STPG2: variants seen among roughly 807,000 people sequenced by gnomAD.
The protein encoded by STPG2 is sperm tail PG-rich repeat containing 2, also known as sperm-tail PG-rich repeat-containing protein 2.
In STPG2, 56 loss-of-function variants were observed where a neutral mutation model predicts 54.2. The ratio of observed to expected loss-of-function variants is 1.03; its 90% confidence interval spans 0.83 to 1.29. STPG2 has a LOEUF of 1.29. STPG2 is among the 50% of genes most tolerant of loss of function. The probability of loss-of-function intolerance (pLI) is 0.00; values close to 1 mark genes in which losing one functional copy is unlikely to be tolerated. For synonymous variants in STPG2, 200 were observed against 181.8 expected (o/e 1.10, Z -0.81); for missense variants, 596 against 544.9 (o/e 1.09, Z -0.93).
rs146051838 is a variant in STPG2 at position 98,002,601 on chromosome 4, T to C, written c.613-21283A>G. 4.2e-3 allele frequency among the ~76,000 whole-genome samples: 645 copies of C among 152,112 alleles called. 3 individuals are homozygous for C. Among genetic ancestry groups the C allele is most frequent in the South Asian group, 0.024 (117 of 4,822 alleles). On this transcript the variant is annotated intron_variant, in intron 5 of 10. Transcript: ENST00000295268. ...AATAAAAGTACCAGAATAAGAACTTTCTCTGACTCTGTGTGCTGGAATGTC... is the reference window on the plus strand; with the variant it reads ...AATAAAAGTACCAGAATAAGAACTTCCTCTGACTCTGTGTGCTGGAATGTC...
intron 5 of STPG2, among the ~76,000 whole-genome samples, chr4:98,098,757 C>T (rs925081429): frequency 1.3e-5 from 2 of 152,044 alleles, no homozygotes; most frequent in Non-Finnish European, 2.9e-5. Context: ...ATATAAGGAG[C>T]TCAAACAACC....
chr4:97,734,398 T>C (rs1431971082), intron 9 of STPG2, among the ~76,000 whole-genome samples: 1 of 152,186 alleles, frequency 6.6e-6, no homozygotes, highest in Non-Finnish European at 1.5e-5. Flanking sequence ...TTAGTAATTT[T>C]CCTGATTCTC....
chr4:97,901,284 C>A (rs1010405972), intron 8 of STPG2, among the ~76,000 whole-genome samples: 1 of 151,692 alleles, frequency 6.6e-6, no homozygotes, highest in South Asian at 2.1e-4. Context: ...AGGAACAAGA[C>A]AAAGATGCCC....
intron 8 of STPG2, among the ~76,000 whole-genome samples, chr4:97,922,617 A>T (rs1038913278): frequency 2.0e-5 from 3 of 152,264 alleles, no homozygotes; most frequent in Non-Finnish European, 4.4e-5. Flanking sequence ...ATGAAATTTT[A>T]AACTACTGTC....
chr4:98,008,299 G>C (rs1735632347), intron 5 of STPG2, among the ~76,000 whole-genome samples: 1 of 125,440 alleles, frequency 8.0e-6, no homozygotes, highest in Admixed American at 7.5e-5. Context: ...TCAGAATTCT[G>C]AAATTAAAAA....
chr4:97,799,990 T>C (rs1243548421), intron 9 of STPG2, among the ~76,000 whole-genome samples: 1 of 152,254 alleles, frequency 6.6e-6, no homozygotes, highest in Non-Finnish European at 1.5e-5. Flanking sequence ...CTGAAGCTTG[T>C]GAATTTGTCA....
At position 97,919,513 on chromosome 4, in the gene STPG2, T is replaced by C. The variant is rs558905318; in HGVS notation, c.1044+24384A>G. The stretch of plus-strand genomic sequence containing the variant: ...AGAGGGAACTTAACTATAGTTTTCA[T>C]AAACACAAAAAAAAGAAGAGAATGT... On this transcript the variant is annotated intron_variant, in intron 8 of 10. Transcript: ENST00000295268. Among the ~76,000 whole-genome samples, 4 of 151,792 alleles carry C rather than the reference T, an allele frequency of 2.6e-5. No individual in the cohort carries two copies. The South Asian group carries it at 8.3e-4, about 32-fold the overall frequency.
At chr4:97,832,859 G>C (rs986369288) in intron 9 of STPG2, among the ~76,000 whole-genome samples, 1 of 152,112 alleles carries the variant, frequency 6.6e-6, no homozygotes, top group Non-Finnish European at 1.5e-5. Context: ...GGAAATAAGA[G>C]AGGACACAAA....
chr4:98,122,780 A>G (rs1397144820), intron 3 of STPG2, among the ~76,000 whole-genome samples: 5 of 152,226 alleles, frequency 3.3e-5, no homozygotes, highest in African/African-American at 1.2e-4. Flanking sequence ...TTGTACCTCT[A>G]GTAGAATTTA....
intron 10 of STPG2, among the ~76,000 whole-genome samples, chr4:97,587,250 TTAAAG>T (rs1733023923): frequency 6.6e-6 from 1 of 151,604 alleles, no homozygotes; most frequent in African/African-American, 2.4e-5. Flanking sequence ...ATTTCAAATA[TTAAAG>T]TAATTATTAT....
chr4:98,009,506 A>G (rs889546549), intron 5 of STPG2, among the ~76,000 whole-genome samples: 9 of 152,024 alleles, frequency 5.9e-5, no homozygotes, highest in Non-Finnish European at 1.0e-4. Context: ...ACATATGATC[A>G]ATTCTGGAAA....
rs550740738 is a variant in STPG2, at chr4:97,905,642, T to A, written c.1044+38255A>T. 3.9e-5 allele frequency among the ~76,000 whole-genome samples: 6 copies of A among 152,190 alleles called. No individual in the cohort carries two copies. In the East Asian group the frequency reaches 1.2e-3, roughly 29 times the overall value. ...AAATGTAAATGGACTAAATGCTCCA[T>A]TAAAAGACACAGACTGGCAAATTGG... On this transcript the variant is annotated intron_variant, in intron 8 of 10. Coordinates refer to ENST00000295268, the MANE Select transcript of STPG2 (RefSeq NM_174952.3).
intron 8 of STPG2, among the ~76,000 whole-genome samples, chr4:97,913,518 G>A (rs1444741995): frequency 2.0e-5 from 3 of 152,068 alleles, no homozygotes; most frequent in Non-Finnish European, 4.4e-5. Flanking sequence ...CTAACCTATA[G>A]AACAGCTCCT....
chr4:98,040,632 G>C (rs1332070852), intron 5 of STPG2, among the ~76,000 whole-genome samples: 1 of 151,826 alleles, frequency 6.6e-6, no homozygotes, highest in Non-Finnish European at 1.5e-5. Flanking sequence ...CTGTAGGTAT[G>C]TGGGTTTATT....
chr4:97,962,929 G>A (rs970447871), intron 7 of STPG2, among the ~76,000 whole-genome samples: 9 of 152,156 alleles, frequency 5.9e-5, no homozygotes, highest in African/African-American at 2.2e-4. Context: ...GGGAAGCTGA[G>A]GCAGGTGGAT....
At chr4:97,990,702 T>C (rs952619199) in intron 5 of STPG2, among the ~76,000 whole-genome samples, 11 of 152,150 alleles carry the variant, frequency 7.2e-5, no homozygotes, top group Admixed American at 2.0e-4. Flanking sequence ...ACCTTGAAAG[T>C]ATACTGCCGT....
intron 5 of STPG2, among the ~76,000 whole-genome samples, chr4:98,059,424 T>C (rs534993018): frequency 2.6e-5 from 4 of 151,058 alleles, no homozygotes; most frequent in Admixed American, 2.6e-4. Flanking sequence ...AGCCTACCAA[T>C]AAAAAAAAGC....
At chr4:97,518,230 A>G (rs1578357747) in intron 4 of STPG2, among the ~76,000 whole-genome samples, 2 of 152,272 alleles carry the variant, frequency 1.3e-5, no homozygotes, top group East Asian at 3.9e-4. Context: ...GCAAGGTGAC[A>G]AAGAGTATGT....
intron 8 of STPG2, among the ~76,000 whole-genome samples, chr4:97,914,497 C>T (rs190172826): frequency 1.9e-3 from 289 of 152,080 alleles, no homozygotes; most frequent in Non-Finnish European, 3.1e-3. Flanking sequence ...GTACTAAGTA[C>T]CTTACCATTG....
Sources: gnomAD v4.1 joint callset for allele counts (sites outside exome capture counted in the v4.1 genomes callset) on GRCh38, gnomAD v4.1.1 for gene constraint, MANE v1.5 for transcripts, NCBI Gene and HGNC (gene_info 2026-07-23, HGNC 2026-07-21) for gene names.